BMPR2: variants seen among roughly 807,000 people sequenced by gnomAD.
BMPR2 encodes bone morphogenetic protein receptor type-2.
BMPR2 carries 29 observed loss-of-function variants against 100.8 expected under a neutral mutation model. The observed-to-expected ratio is 0.29, with a 90% CI of 0.21 to 0.39. The LOEUF (loss-of-function observed/expected upper bound fraction) is 0.39, where lower values mean the gene tolerates loss of function less well. BMPR2 is among the 10% of genes least tolerant of loss of function. BMPR2 has a pLI of 1.00. For missense variants in BMPR2, 1,011 were observed against 1,274.5 expected, an observed-to-expected ratio of 0.79 and a Z score of 3.15; for synonymous variants, 382 against 442.3, an observed-to-expected ratio of 0.86 and a Z score of 1.71.
chr2:202,548,576 G>C (rs1688416999), intron 10 of BMPR2, among the ~76,000 whole-genome samples: 1 of 152,162 alleles, frequency 6.6e-6, no homozygotes, highest in Non-Finnish European at 1.5e-5. Flanking sequence ...TTTGGTTAGA[G>C]TTGTTTGTTT....
rs563477619 is a variant in BMPR2, at chr2:202,445,858, T to C, written c.77-18951T>C. Among the ~76,000 whole-genome samples, 210 of 148,032 alleles carry C rather than the reference T, an allele frequency of 1.4e-3. 14 individuals are homozygous for C. Among genetic ancestry groups the C allele is most frequent in the African/African-American group, 5.2e-3 (199 of 38,260 alleles). On this transcript the variant is annotated intron_variant, in intron 1 of 12. Transcript: ENST00000374580. ...GGCACAATCTCGGCTCACTGCAACT[T>C]CCGCCTCCTAGGTTCATGCCATTCT...
At position 202,557,464 on chromosome 2, in the gene BMPR2, AACACACACACACACAC is replaced by A. The variant is rs138065331; in HGVS notation, c.2866+969_2866+984del. On this transcript the variant is annotated intron_variant, in intron 12 of 12. Transcript: ENST00000374580. ...GGTGACAGAATGAAACTCTGTCTCAAACACACACACACACACACACACACACACACACACACACACA... is the reference window on the plus strand; with the variant it reads ...GGTGACAGAATGAAACTCTGTCTCAAACACACACACACACACACACACACA... Among the ~76,000 whole-genome samples the A allele has an allele frequency of 2.0e-3, 257 of 125,440 alleles. 2 individuals are homozygous for A. Among genetic ancestry groups the A allele is most frequent in the East Asian group, 0.02 (84 of 4,144 alleles). The allele number at this position is 125,440 out of a possible 152,430, so 82.3% of individuals were successfully genotyped here.
intron 1 of BMPR2, among the ~76,000 whole-genome samples, chr2:202,387,321 AGGGC>A (rs1690449466): frequency 6.6e-6 from 1 of 152,228 alleles, no homozygotes; most frequent in Non-Finnish European, 1.5e-5. Flanking sequence ...ACTAATACTA[AGGGC>A]CTTACATATT....
intron 1 of BMPR2, 22 bp downstream of exon 1, chr2:202,377,572 G>T (rs1690177770): frequency 1.9e-6 from 3 of 1,613,530 alleles, no homozygotes; most frequent in Middle Eastern, 1.7e-4. Flanking sequence ...CGGCCGGCAC[G>T]TCCCGGCCAC....
At chr2:202,502,854 G>A (rs1687427198) in intron 3 of BMPR2, among the ~76,000 whole-genome samples, 1 of 152,190 alleles carries the variant, frequency 6.6e-6, no homozygotes, top group Non-Finnish European at 1.5e-5. Flanking sequence ...ACCAGCCTCT[G>A]GAGTTGGGCA....
At chr2:202,446,407 AAG>A (rs1311465587) in intron 1 of BMPR2, among the ~76,000 whole-genome samples, 5 of 150,614 alleles carry the variant, frequency 3.3e-5, no homozygotes, top group Non-Finnish European at 7.3e-5. Context: ...TCAAAAAAAA[AAG>A]AAAGAAAATT....
intron 9 of BMPR2, among the ~76,000 whole-genome samples, chr2:202,537,113 C>T (rs752631561): frequency 1.1e-4 from 17 of 152,030 alleles, no homozygotes; most frequent in African/African-American, 3.9e-4. Flanking sequence ...CCAGGCTGGC[C>T]TCGAACTCCT....
chr2:202,514,101 CTACAA>C (rs1422018312), intron 4 of BMPR2, among the ~76,000 whole-genome samples: 5 of 151,740 alleles, frequency 3.3e-5, no homozygotes, highest in Admixed American at 6.6e-5. Flanking sequence ...AATATTATCT[CTACAA>C]TACAAGAGCT....
chr2:202,467,702 A>C lies in BMPR2; in HGVS notation c.418+13A>C, dbSNP rs779866522. 1.5e-5 allele frequency: 24 copies of C among 1,600,300 alleles called. No individual in the cohort carries two copies. Among genetic ancestry groups the C allele is most frequent in the Non-Finnish European group, 1.9e-5 (22 of 1,167,438 alleles). Reference sequence around the variant, plus strand: ...ACAACACCACTCAGTAAGTAAAGTAACCAACTTTTCTTTGTATTTCCTTTC... The same window carrying C: ...ACAACACCACTCAGTAAGTAAAGTACCCAACTTTTCTTTGTATTTCCTTTC... On this transcript the variant is annotated intron_variant, in intron 3 of 12. Coordinates refer to ENST00000374580, the MANE Select transcript of BMPR2 (RefSeq NM_001204.7).
At position 202,473,409 on chromosome 2, in the gene BMPR2, G is replaced by A. The variant is rs150785245; in HGVS notation, c.418+5720G>A. 7.3e-4 allele frequency among the ~76,000 whole-genome samples: 111 copies of A among 152,244 alleles called. No homozygotes were observed. The East Asian group carries it at 0.017, about 24-fold the overall frequency. ...GGAAGTTGCTGTAATCCAAGATTGCGCCAGTGCACTCCAGCCTAGGCTACA... is the reference window on the plus strand; with the variant it reads ...GGAAGTTGCTGTAATCCAAGATTGCACCAGTGCACTCCAGCCTAGGCTACA... On this transcript the variant is annotated intron_variant, in intron 3 of 12. Coordinates refer to ENST00000374580, the MANE Select transcript of BMPR2 (RefSeq NM_001204.7).
intron 7 of BMPR2, among the ~76,000 whole-genome samples, chr2:202,529,338 ACCCT>A (rs1269711921): frequency 1.3e-5 from 2 of 152,186 alleles, no homozygotes; most frequent in African/African-American, 4.8e-5. Context: ...TGTATGTTCC[ACCCT>A]CCCTCCATAC....
At position 202,464,897 on chromosome 2, in the gene BMPR2, T is replaced by C. The variant is rs200976092; in HGVS notation, c.165T>C (p.Asn55=). 104 of 1,614,076 alleles carry C rather than the reference T, an allele frequency of 6.4e-5. No individual in the cohort carries two copies. The East Asian group carries it at 2.3e-3, about 35-fold the overall frequency. Residue 55 remains asparagine, a synonymous_variant, in exon 2 of 13, where the codon AAT becomes AAC. Coordinates refer to ENST00000374580, the MANE Select transcript of BMPR2 (RefSeq NM_001204.7). ...GTGAGAGTAGAATCTCTCATGAAAA[T>C]GGGACAATATTATGCTCGAAAGGTA... ...GIGESRISHE[N]GTILCSKGST...
chr2:202,529,115 C>A (rs35073191), intron 7 of BMPR2, among the ~76,000 whole-genome samples: 18,097 of 152,164 alleles, frequency 0.12, 1,194 homozygotes, highest in Admixed American at 0.14. Context: ...ATATAGACAA[C>A]TCAGACTTCA....
chr2:202,435,376 CATATATATATATATATATAT>C (rs141854934), intron 1 of BMPR2, among the ~76,000 whole-genome samples: 8 of 103,450 alleles, frequency 7.7e-5, no homozygotes, highest in African/African-American at 1.7e-4. Flanking sequence ...AAAAAAAATA[CATATATATATATATATATAT>C]ATATATATAT....
intron 1 of BMPR2, among the ~76,000 whole-genome samples, chr2:202,387,108 T>C (rs1229523684): frequency 6.6e-6 from 1 of 152,238 alleles, no homozygotes; most frequent in Non-Finnish European, 1.5e-5. Context: ...CTGCAATTTA[T>C]GACCTCATGT....
chr2:202,380,911 GCCTGGCCCTGGCCCTGGC>G (rs57602681), intron 1 of BMPR2, among the ~76,000 whole-genome samples: 16,189 of 140,602 alleles, frequency 0.12, 1,021 homozygotes, highest in Non-Finnish European at 0.13. Flanking sequence ...GGGCCACTGT[GCCTGGCCCTGGCCCTGGC>G]CCTGGCCCTG....
rs1298793856 is a variant in BMPR2, at chr2:202,543,176, C to CA, written c.1413+742dup. ...TGGGTGACAGAGCGAGACTCTGTCT[C>CA]AAAAAAAAAAAAAGCATATATATAT... On this transcript the variant is annotated intron_variant, in intron 10 of 12. Transcript: ENST00000374580. Among the ~76,000 whole-genome samples the CA allele has an allele frequency of 8.1e-3, 458 of 56,820 alleles. 2 individuals carry two copies. Among genetic ancestry groups the CA allele is most frequent in the African/African-American group, 0.024 (337 of 14,086 alleles). 37.3% of individuals were successfully genotyped at this position (56,820 alleles called of 152,430 possible).
chr2:202,540,674 T>C (rs1238290731), intron 9 of BMPR2, among the ~76,000 whole-genome samples: 1 of 152,214 alleles, frequency 6.6e-6, no homozygotes, highest in Non-Finnish European at 1.5e-5. Flanking sequence ...TAATGTGGTT[T>C]CCATCTGGGT....
At chr2:202,392,532 C>T (rs1399217811) in intron 1 of BMPR2, among the ~76,000 whole-genome samples, 1 of 152,134 alleles carries the variant, frequency 6.6e-6, no homozygotes, top group African/African-American at 2.4e-5. Context: ...GGACATGTCA[C>T]AGTATATTTT....
Sources: gnomAD v4.1 joint callset for allele counts (sites outside exome capture counted in the v4.1 genomes callset) on GRCh38, gnomAD v4.1.1 for gene constraint, MANE v1.5 for transcripts, NCBI Gene and HGNC (gene_info 2026-07-23, HGNC 2026-07-21) for gene names.